The following CNTLN variants were observed in gnomAD, a reference collection of about 807,000 sequenced individuals.
CNTLN encodes centlein, also known as centlein, centrosomal protein.
Under a neutral mutation model 180.0 loss-of-function variants are expected in CNTLN, and 212 were observed. The ratio of observed to expected loss-of-function variants is 1.18; its 90% CI spans 1.05 to 1.32. CNTLN has a LOEUF of 1.32. Among genes scored for constraint, CNTLN ranks in the 40% most tolerant of loss-of-function variants. The pLI is 0.00. For missense variants in CNTLN, 2,095 were observed against 1,610.9 expected, an observed-to-expected ratio of 1.30 and a Z score of -5.14; for synonymous variants, 722 against 563.1, an observed-to-expected ratio of 1.28 and a Z score of -3.99.
intron 8 of CNTLN, among the ~76,000 whole-genome samples, chr9:17,324,444 C>G (rs1005499890): frequency 6.6e-6 from 1 of 152,102 alleles, no homozygotes; most frequent in African/African-American, 2.4e-5. Flanking sequence ...TAAGCACTGT[C>G]AGGATTAGTT....
chr9:17,419,067 A>AT (rs1013622718), intron 18 of CNTLN, among the ~76,000 whole-genome samples: 2 of 152,032 alleles, frequency 1.3e-5, no homozygotes, highest in African/African-American at 4.8e-5. Flanking sequence ...AAGATAATAG[A>AT]TTTTTTACAT....
intron 2 of CNTLN, among the ~76,000 whole-genome samples, chr9:17,172,778 C>G (rs1158615511): frequency 6.6e-6 from 1 of 152,116 alleles, no homozygotes. Flanking sequence ...TTTCAGTGCA[C>G]TTTATTGCTA....
chr9:17,315,944 A>G (rs1029072377), intron 8 of CNTLN, among the ~76,000 whole-genome samples: 12 of 102,324 alleles, frequency 1.2e-4, no homozygotes, highest in African/African-American at 2.0e-4. Context: ...AGGTTTGTCT[A>G]TTTCTCCTTT....
intron 12 of CNTLN, among the ~76,000 whole-genome samples, chr9:17,348,364 C>G (rs1023968656): frequency 1.3e-5 from 2 of 152,056 alleles, no homozygotes; most frequent in African/African-American, 2.4e-5. Flanking sequence ...TGATATCATG[C>G]CTGAGGGAGA....
chr9:17,261,737 T>C lies in CNTLN; in HGVS notation c.850-11996T>C, dbSNP rs376955912. On this transcript the variant is annotated intron_variant, in intron 5 of 25. Transcript: ENST00000380647. ...AGGAGTGGTAAGAGTGGGCATGGCTTCTAATTAAACTAAAGAGGTTCTGCA... is the reference window on the plus strand; with the variant it reads ...AGGAGTGGTAAGAGTGGGCATGGCTCCTAATTAAACTAAAGAGGTTCTGCA... Among the ~76,000 whole-genome samples, 22 of 151,376 alleles carry C rather than the reference T, an allele frequency of 1.5e-4. 1 individual carries two copies. Among genetic ancestry groups the C allele is most frequent in the African/African-American group, 4.2e-4 (17 of 40,800 alleles).
intron 6 of CNTLN, among the ~76,000 whole-genome samples, chr9:17,291,391 A>G (rs1829396548): frequency 6.6e-6 from 1 of 152,094 alleles, no homozygotes; most frequent in African/African-American, 2.4e-5. Flanking sequence ...TCTGTCTAAT[A>G]TTGACAGTGG....
At chr9:17,138,227 A>G (rs1817851956) in intron 1 of CNTLN, among the ~76,000 whole-genome samples, 1 of 152,146 alleles carries the variant, frequency 6.6e-6, no homozygotes, top group South Asian at 2.1e-4. Flanking sequence ...TACATTTATC[A>G]CCATTTATAG....
At chr9:17,244,285 C>T (rs1236612524) in intron 5 of CNTLN, among the ~76,000 whole-genome samples, 3 of 151,648 alleles carry the variant, frequency 2.0e-5, no homozygotes, top group Admixed American at 6.6e-5. Context: ...GATCATGGCT[C>T]ACTTCAGTCT....
chr9:17,258,301 T>G (rs1323532461), intron 5 of CNTLN, among the ~76,000 whole-genome samples: 6 of 147,902 alleles, frequency 4.1e-5, no homozygotes, highest in African/African-American at 1.6e-4. Context: ...TATGCGGCGT[T>G]ATTTCTGAGG....
At chr9:17,327,598 C>G (rs917338566) in intron 8 of CNTLN, among the ~76,000 whole-genome samples, 1 of 151,300 alleles carries the variant, frequency 6.6e-6, no homozygotes, top group African/African-American at 2.4e-5. Context: ...CTTACCTATA[C>G]TGAAATTTTT....
chr9:17,421,612 A>G (rs1190936750), intron 18 of CNTLN, among the ~76,000 whole-genome samples: 5 of 151,594 alleles, frequency 3.3e-5, no homozygotes, highest in Admixed American at 2.6e-4. Context: ...CCATTTTGTT[A>G]TTTATTTTCT....
chr9:17,423,123 A>T (rs1828839615), intron 18 of CNTLN, among the ~76,000 whole-genome samples: 1 of 152,094 alleles, frequency 6.6e-6, no homozygotes, highest in African/African-American at 2.4e-5. Flanking sequence ...GGGGTGACTG[A>T]GTCACTTCGA....
intron 3 of CNTLN, among the ~76,000 whole-genome samples, chr9:17,228,905 T>C (rs1824643111): frequency 6.6e-6 from 1 of 152,058 alleles, no homozygotes; most frequent in African/African-American, 2.4e-5. Flanking sequence ...GTTTTGAAGG[T>C]AAGGTTTTGA....
chr9:17,386,059 A>G (rs1201572685), intron 13 of CNTLN, among the ~76,000 whole-genome samples: 1 of 152,146 alleles, frequency 6.6e-6, no homozygotes, highest in South Asian at 2.1e-4. Context: ...AATCCCTCAA[A>G]TTGATATAAT....
intron 2 of CNTLN, among the ~76,000 whole-genome samples, chr9:17,156,339 C>G (rs1214960276): frequency 6.6e-6 from 1 of 152,108 alleles, no homozygotes; most frequent in Non-Finnish European, 1.5e-5. Flanking sequence ...GCTTTGAATT[C>G]TATAATTATT....
At chr9:17,182,955 C>G (rs536987293) in intron 2 of CNTLN, among the ~76,000 whole-genome samples, 1 of 152,122 alleles carries the variant, frequency 6.6e-6, no homozygotes, top group Non-Finnish European at 1.5e-5. Flanking sequence ...CAGTTACTCA[C>G]GAAAACAAGT....
At chr9:17,411,088 G>C (rs1587922059) in intron 16 of CNTLN, among the ~76,000 whole-genome samples, 1 of 152,228 alleles carries the variant, frequency 6.6e-6, no homozygotes. Context: ...ACAAGAAGAA[G>C]ACGCTGAAAG....
intron 15 of CNTLN, among the ~76,000 whole-genome samples, chr9:17,405,880 C>G (rs561021231): frequency 2.6e-5 from 4 of 151,822 alleles, no homozygotes; most frequent in African/African-American, 9.7e-5. Flanking sequence ...CCTCTGTCCC[C>G]TGGGTTCAAG....
At chr9:17,234,019 C>T (rs554324980) in intron 3 of CNTLN, among the ~76,000 whole-genome samples, 27 of 152,158 alleles carry the variant, frequency 1.8e-4, no homozygotes, top group African/African-American at 6.0e-4. Flanking sequence ...ATGTTGGTTA[C>T]GTACAGGACC....
Sources: gnomAD v4.1 joint callset for allele counts (sites outside exome capture counted in the v4.1 genomes callset) on GRCh38, gnomAD v4.1.1 for gene constraint, MANE v1.5 for transcripts, NCBI Gene and HGNC (gene_info 2026-07-23, HGNC 2026-07-21) for gene names.